The following DIAPH3 variants were observed in gnomAD, a reference collection of about 807,000 sequenced individuals.
DIAPH3 encodes the protein diaphanous related formin 3, also known as protein diaphanous homolog 3.
In DIAPH3, 117 loss-of-function variants were observed where a neutral mutation model predicts 144.3. The observed-to-expected ratio is 0.81, with a 90% CI of 0.70 to 0.95. The LOEUF (loss-of-function observed/expected upper bound fraction) is 0.95, where lower values mean the gene tolerates loss of function less well. Among genes scored for constraint, DIAPH3 ranks in the 40% least tolerant of loss-of-function variants. The probability of loss-of-function intolerance (pLI) is 0.00; values close to 1 mark genes in which losing one functional copy is unlikely to be tolerated. For missense variants in DIAPH3, 1,421 were observed against 1,412.7 expected (o/e 1.01, Z -0.09); for synonymous variants, 519 against 488.9 (o/e 1.06, Z -0.81).
intron 22 of DIAPH3, among the ~76,000 whole-genome samples, chr13:59,851,524 C>T (rs2042968383): frequency 6.6e-6 from 1 of 152,118 alleles, no homozygotes; most frequent in African/African-American, 2.4e-5. Flanking sequence ...ATATCTGCCA[C>T]CTAAAATGTA....
intron 1 of DIAPH3, among the ~76,000 whole-genome samples, chr13:60,140,130 C>T (rs538976417): frequency 2.8e-4 from 42 of 152,308 alleles, no homozygotes; most frequent in African/African-American, 1.0e-3. Context: ...GCATCCTAGA[C>T]ATCTTGTCCA....
intron 27 of DIAPH3, among the ~76,000 whole-genome samples, chr13:59,704,807 T>C (rs983710624): frequency 1.3e-5 from 2 of 152,222 alleles, no homozygotes; most frequent in African/African-American, 4.8e-5. Flanking sequence ...TATGTTCGCA[T>C]GACAACGAAA....
At chr13:60,062,992 T>A (rs1430007699) in intron 4 of DIAPH3, among the ~76,000 whole-genome samples, 2 of 152,316 alleles carry the variant, frequency 1.3e-5, no homozygotes, top group East Asian at 3.9e-4. Flanking sequence ...CAGACAACAA[T>A]GAAGTCTACT....
At chr13:60,045,112 C>T (rs1226767688) in intron 4 of DIAPH3, among the ~76,000 whole-genome samples, 1 of 152,046 alleles carries the variant, frequency 6.6e-6, no homozygotes, top group Non-Finnish European at 1.5e-5. Flanking sequence ...GAGGCTGAGG[C>T]GGGCGGATCA....
intron 4 of DIAPH3, among the ~76,000 whole-genome samples, chr13:60,085,158 C>T (rs1353546359): frequency 1.3e-5 from 2 of 152,092 alleles, no homozygotes; most frequent in Non-Finnish European, 2.9e-5. Context: ...CAAAAGAAAG[C>T]AGGTTCTTCT....
intron 27 of DIAPH3, among the ~76,000 whole-genome samples, chr13:59,742,834 A>G (rs1390201106): frequency 1.3e-5 from 2 of 152,248 alleles, no homozygotes; most frequent in Non-Finnish European, 2.9e-5. Flanking sequence ...TTCATCCTTC[A>G]TAAGTTGACA....
intron 21 of DIAPH3, among the ~76,000 whole-genome samples, chr13:59,869,739 C>T (rs899405599): frequency 1.3e-5 from 2 of 152,164 alleles, no homozygotes; most frequent in African/African-American, 4.8e-5. Flanking sequence ...ACCAGAATAG[C>T]ATATTTTAAT....
intron 27 of DIAPH3, among the ~76,000 whole-genome samples, chr13:59,685,540 A>G (rs982933363): frequency 6.6e-6 from 1 of 152,122 alleles, no homozygotes; most frequent in East Asian, 1.9e-4. Flanking sequence ...TTTCCCAACA[A>G]AAACACTGAG....
At chr13:59,798,244 C>T (rs1431008486) in intron 25 of DIAPH3, among the ~76,000 whole-genome samples, 2 of 152,224 alleles carry the variant, frequency 1.3e-5, no homozygotes, top group Non-Finnish European at 2.9e-5. Flanking sequence ...CTAGTCCCAA[C>T]ACCCTCTGAT....
intron 2 of DIAPH3, among the ~76,000 whole-genome samples, chr13:60,116,316 A>G (rs1169583876): frequency 1.3e-5 from 2 of 152,092 alleles, no homozygotes; most frequent in Non-Finnish European, 2.9e-5. Context: ...ACTCACCACC[A>G]TAAGCGTTTC....
chr13:59,667,995 A>G (rs999148934), intron 27 of DIAPH3, among the ~76,000 whole-genome samples: 4 of 152,232 alleles, frequency 2.6e-5, no homozygotes, highest in Non-Finnish European at 5.9e-5. Flanking sequence ...GTGATGGATG[A>G]GGATTTTACA....
chr13:59,875,993 T>C (rs1222811740), intron 21 of DIAPH3, among the ~76,000 whole-genome samples: 2 of 152,186 alleles, frequency 1.3e-5, no homozygotes, highest in Non-Finnish European at 2.9e-5. Flanking sequence ...AATATGAATT[T>C]TCATGAATTT....
intron 21 of DIAPH3, 144 bp downstream of exon 21, chr13:59,879,085 C>T (rs1179010132): frequency 8.8e-6 from 10 of 1,141,028 alleles, no homozygotes; most frequent in Middle Eastern, 2.9e-4. Context: ...TAGCTCAGTT[C>T]ACTCTGGGTT....
At chr13:59,992,713 A>G (rs1237148594) in intron 9 of DIAPH3, 130 bp from the exon 10 acceptor site, 1 of 745,724 alleles carries the variant, frequency 1.3e-6, no homozygotes, top group African/African-American at 1.8e-5. Flanking sequence ...TAAGCAAAAT[A>G]TTTCAGTCAG....
At chr13:60,108,041 G>A (rs1481779905) in intron 3 of DIAPH3, among the ~76,000 whole-genome samples, 1 of 152,148 alleles carries the variant, frequency 6.6e-6, no homozygotes, top group East Asian at 1.9e-4. Context: ...CTCCATCTAA[G>A]TATAGTGTCT....
At chr13:59,909,342 GTT>G (rs60579690) in intron 20 of DIAPH3, among the ~76,000 whole-genome samples, 3 of 126,806 alleles carry the variant, frequency 2.4e-5, no homozygotes, top group African/African-American at 2.7e-5. Context: ...CCAGTATTTT[GTT>G]TTTTTTTTTT....
rs189384312 is a variant in DIAPH3 at position 59,931,812 on chromosome 13, C to T, written c.2075-6942G>A. On this transcript the variant is annotated intron_variant, in intron 17 of 27. Transcript: ENST00000400324. ...GCAACAGTTGAGGAACAGGTTTGGA[C>T]TAGTCCAGTTTAAAACATGTTCAGT... 3.3e-3 allele frequency among the ~76,000 whole-genome samples: 501 copies of T among 152,286 alleles called. 2 individuals are homozygous for T. The highest frequency in any genetic ancestry group is 0.011 in the African/African-American group (461 of 41,552).
chr13:59,930,857 G>C (rs909994094), intron 17 of DIAPH3, among the ~76,000 whole-genome samples: 3 of 152,102 alleles, frequency 2.0e-5, no homozygotes, highest in Non-Finnish European at 4.4e-5. Context: ...CTTCACCAAG[G>C]GCAATAACAA....
intron 21 of DIAPH3, among the ~76,000 whole-genome samples, chr13:59,874,058 G>T (rs1317390867): frequency 2.0e-5 from 3 of 152,038 alleles, no homozygotes; most frequent in Admixed American, 6.5e-5. Context: ...TTTCATGTTT[G>T]CTTTTGGTTC....
Sources: allele counts gnomAD v4.1 joint callset (sites outside exome capture counted in the v4.1 genomes callset), GRCh38; gene constraint gnomAD v4.1.1; transcripts MANE v1.5; gene names NCBI Gene and HGNC (gene_info 2026-07-23, HGNC 2026-07-21).